Variants in NALCN observed in about 807,000 individuals in gnomAD.
The protein encoded by NALCN is sodium leak channel NALCN.
Under a neutral mutation model 225.3 loss-of-function variants are expected in NALCN, and 111 were observed. That is an observed-to-expected ratio of 0.49 (90% CI 0.42 to 0.58). The LOEUF (loss-of-function observed/expected upper bound fraction) is 0.58, where lower values mean the gene tolerates loss of function less well. Among genes scored for constraint, NALCN ranks in the 20% least tolerant of loss-of-function variants. The pLI is 0.00. For synonymous variants in NALCN, 764 were observed against 769.0 expected, an observed-to-expected ratio of 0.99 and a Z score of 0.11; for missense variants, 1,378 against 2,202.4, an observed-to-expected ratio of 0.63 and a Z score of 7.49.
intron 13 of NALCN, among the ~76,000 whole-genome samples, chr13:101,225,271 T>C (rs2041097910): frequency 1.3e-5 from 2 of 152,194 alleles, no homozygotes; most frequent in African/African-American, 4.8e-5. Context: ...CAAAGGCTTG[T>C]TCTTTTTATG....
intron 14 of NALCN, among the ~76,000 whole-genome samples, chr13:101,187,772 C>T (rs1469137220): frequency 6.6e-6 from 1 of 152,158 alleles, no homozygotes; most frequent in African/African-American, 2.4e-5. Context: ...TCAACTATTG[C>T]ACTTGGGAGG....
intron 34 of NALCN, among the ~76,000 whole-genome samples, chr13:101,076,260 A>G (rs2033246541): frequency 6.6e-6 from 1 of 152,226 alleles, no homozygotes; most frequent in Non-Finnish European, 1.5e-5. Flanking sequence ...TAACAGTGCA[A>G]CATAGGAAGG....
chr13:101,284,309 A>C (rs531351905), intron 9 of NALCN, among the ~76,000 whole-genome samples: 14 of 152,356 alleles, frequency 9.2e-5, no homozygotes, highest in Admixed American at 7.2e-4. Context: ...CAAGAGAAAT[A>C]CTTTAGTATT....
Position 101,229,420 on chromosome 13 carries a change from T to C in NALCN, c.1599A>G (p.Glu533=). The change falls in exon 13 of 44, where the codon GAA becomes GAG. Residue 533 remains glutamate (E), a synonymous_variant. Transcript: ENST00000251127. The part of the protein sequence containing the change: ...ISLQMFCFVE[E]LDRFTTFPRA... ...TCGGAAACGTAGTAAATCTGTCCAG[T>C]TCTTCGACAAAGCAGAACATCTGCA... 6.2e-7 allele frequency: 1 copy of C among 1,602,894 alleles called. No homozygotes were observed. Among genetic ancestry groups the C allele is most frequent in the Non-Finnish European group, 8.5e-7 (1 of 1,175,352 alleles).
intron 39 of NALCN, among the ~76,000 whole-genome samples, chr13:101,067,479 A>G (rs1281250109): frequency 6.6e-6 from 1 of 152,222 alleles, no homozygotes; most frequent in Admixed American, 6.5e-5. Context: ...AAAACATTCA[A>G]GTAGTAACTC....
intron 7 of NALCN, among the ~76,000 whole-genome samples, chr13:101,339,797 A>G (rs892081887): frequency 1.1e-4 from 17 of 152,228 alleles, no homozygotes; most frequent in African/African-American, 4.1e-4. Flanking sequence ...AATGTTGATC[A>G]GATTCTAGAG....
At chr13:101,172,628 T>C (rs9518324) in intron 15 of NALCN, among the ~76,000 whole-genome samples, 52,502 of 151,944 alleles carry the variant, frequency 0.35, 9,616 homozygotes, top group Non-Finnish European at 0.41. Context: ...GGCGCCATCT[T>C]GGCTCACTGC....
At chr13:101,379,836 A>C (rs1453095557) in intron 3 of NALCN, among the ~76,000 whole-genome samples, 1 of 152,078 alleles carries the variant, frequency 6.6e-6, no homozygotes, top group African/African-American at 2.4e-5. Flanking sequence ...ACATTCTGCA[A>C]ATTTTTTATA....
intron 10 of NALCN, among the ~76,000 whole-genome samples, chr13:101,265,015 A>T (rs1461780533): frequency 1.3e-5 from 2 of 152,204 alleles, no homozygotes; most frequent in Non-Finnish European, 2.9e-5. Context: ...CTCCCAAAGC[A>T]ATGCAGCCTT....
At chr13:101,304,669 C>A (rs2044092075) in intron 7 of NALCN, among the ~76,000 whole-genome samples, 1 of 152,064 alleles carries the variant, frequency 6.6e-6, no homozygotes, top group African/African-American at 2.4e-5. Flanking sequence ...AAGTCCTGAG[C>A]TCAAGCGGTC....
At chr13:101,394,935 T>C (rs1389334696) in intron 3 of NALCN, among the ~76,000 whole-genome samples, 1 of 152,192 alleles carries the variant, frequency 6.6e-6, no homozygotes, top group Non-Finnish European at 1.5e-5. Flanking sequence ...CAGTCATTAG[T>C]CAAACCATCT....
Position 101,144,654 on chromosome 13 carries a change from A to G in NALCN, c.1976+106T>C. ...AGTAGAAAGATGACAATAAAATAGAAAGAAACCCAACCCACATATACTTAA... is the reference window on the plus strand; with the variant it reads ...AGTAGAAAGATGACAATAAAATAGAGAGAAACCCAACCCACATATACTTAA... On this transcript the variant is annotated intron_variant, in intron 16 of 43. Transcript: ENST00000251127. 3.4e-6 allele frequency: 4 copies of G among 1,167,096 alleles called. No individual in the cohort carries two copies. The Admixed American group carries it at 7.7e-5, about 22-fold the overall frequency. 72.3% of individuals were successfully genotyped at this position (1,167,096 alleles called of 1,614,324 possible).
In NALCN at chr13:101,381,119, G is replaced by C. The variant is rs144417148; in HGVS notation, c.292-2466C>G. Among the ~76,000 whole-genome samples, 88 of 152,174 alleles carry C rather than the reference G, an allele frequency of 5.8e-4. No homozygotes were observed. In the East Asian group the frequency reaches 0.016, roughly 28 times the overall value. ...ATCAACCAAACTTGGTGACTCCTGG[G>C]TTTGGGAAGACTCACAAAAGAGATA... On this transcript the variant is annotated intron_variant, in intron 3 of 43. Coordinates refer to ENST00000251127, the MANE Select transcript of NALCN (RefSeq NM_052867.4).
chr13:101,416,429 C>A lies in NALCN; in HGVS notation c.-156G>T. On this transcript the variant is annotated 5_prime_UTR_variant, in exon 1 of 44. Transcript: ENST00000251127. ...GCCCAGGGCGGGCGGGGACGCGGGCCCCTCACCTACGGCGGCTCAGCTCAG... is the reference window on the plus strand; with the variant it reads ...GCCCAGGGCGGGCGGGGACGCGGGCACCTCACCTACGGCGGCTCAGCTCAG... The A allele has an allele frequency of 6.6e-6, 1 of 152,178 alleles. No individual in the cohort carries two copies. The highest frequency in any genetic ancestry group is 2.0e-4 in the South Asian group (1 of 5,046). The allele number at this position is 152,178 out of a possible 1,614,324, so 9.4% of individuals were successfully genotyped here.
intron 10 of NALCN, among the ~76,000 whole-genome samples, chr13:101,269,732 C>G (rs2042714101): frequency 6.6e-6 from 1 of 152,172 alleles, no homozygotes; most frequent in Admixed American, 6.5e-5. Context: ...TGATGGTCAA[C>G]AAAGGAGGCC....
At chr13:101,305,349 C>T (rs566882372) in intron 7 of NALCN, among the ~76,000 whole-genome samples, 10 of 152,298 alleles carry the variant, frequency 6.6e-5, no homozygotes, top group African/African-American at 2.2e-4. Context: ...TCGTAATTCT[C>T]TTATAGTTGA....
intron 37 of NALCN, among the ~76,000 whole-genome samples, chr13:101,070,800 G>A (rs1299621878): frequency 1.3e-5 from 2 of 152,128 alleles, no homozygotes; most frequent in Non-Finnish European, 2.9e-5. Context: ...TTAAGAGACT[G>A]TATTAGTCCA....
chr13:101,149,209 C>T (rs1003371179), intron 15 of NALCN, among the ~76,000 whole-genome samples: 2 of 151,512 alleles, frequency 1.3e-5, no homozygotes, highest in African/African-American at 2.4e-5. Context: ...AGGAGAATGG[C>T]GTGAACCCGG....
chr13:101,280,078 A>C (rs987108577), intron 10 of NALCN, among the ~76,000 whole-genome samples: 3 of 152,080 alleles, frequency 2.0e-5, no homozygotes, highest in African/African-American at 7.2e-5. Flanking sequence ...TAATTAATTA[A>C]TTATTTTCTT....
Sources: gnomAD v4.1 joint callset for allele counts (sites outside exome capture counted in the v4.1 genomes callset) on GRCh38, gnomAD v4.1.1 for gene constraint, MANE v1.5 for transcripts, NCBI Gene and HGNC (gene_info 2026-07-23, HGNC 2026-07-21) for gene names.